PALB2: variants seen among roughly 807,000 people sequenced by gnomAD.
PALB2 encodes mutant partner and localizer of BRCA2.
Under a neutral mutation model 107.4 loss-of-function variants are expected in PALB2, and 82 were observed. That is an observed-to-expected ratio of 0.76 (90% CI 0.64 to 0.92). The LOEUF (loss-of-function observed/expected upper bound fraction) is 0.92, where lower values mean the gene tolerates loss of function less well. PALB2 is among the 40% of genes least tolerant of loss of function. The pLI is 0.00. For missense variants in PALB2, 1,374 were observed against 1,379.9 expected (o/e 1.00, Z 0.07); for synonymous variants, 489 against 496.8 (o/e 0.98, Z 0.21).
At chr16:23,624,360 T>C (rs1966831507) in intron 7 of PALB2, among the ~76,000 whole-genome samples, 1 of 152,228 alleles carries the variant, frequency 6.6e-6, no homozygotes, top group East Asian at 1.9e-4. Flanking sequence ...GGCATGTGAA[T>C]GTAAAGAATA....
chr16:23,637,347 A>G (rs1000570210), intron 3 of PALB2, among the ~76,000 whole-genome samples: 1 of 152,212 alleles, frequency 6.6e-6, no homozygotes, highest in African/African-American at 2.4e-5. Context: ...AGGGAAAAAG[A>G]ATAAACAGTC....
chr16:23,638,090 T>C lies in PALB2; in HGVS notation c.88A>G (p.Lys30Glu), dbSNP rs1967110881. ...CTTACCTGAAGGCGGGCTAGTGTCT[T>C]GCTGTATTCCCTTTTCAAGAATGCT... ...KLAFLKREYS[K>E]TLARLQRAQR... Residue 30 changes from lysine to glutamate, a missense_variant, in exon 2 of 13, where the codon AAG becomes GAG. Coordinates refer to ENST00000261584, the MANE Select transcript of PALB2 (RefSeq NM_024675.4). 1 of 1,614,092 alleles carries C rather than the reference T, an allele frequency of 6.2e-7. No homozygotes were observed. The highest frequency in any genetic ancestry group is 1.1e-5 in the South Asian group (1 of 91,082).
chr16:23,626,650 C>T (rs1189948134), intron 6 of PALB2, among the ~76,000 whole-genome samples: 1 of 151,926 alleles, frequency 6.6e-6, no homozygotes, highest in African/African-American at 2.4e-5. Context: ...GGGACTGAGT[C>T]TCACTTTATC....
At chr16:23,619,719 C>T (rs1966740670) in intron 10 of PALB2, among the ~76,000 whole-genome samples, 1 of 152,072 alleles carries the variant, frequency 6.6e-6, no homozygotes. Flanking sequence ...TTACTGAATA[C>T]CTCCTATGTG....
In PALB2 at chr16:23,641,265, G is replaced by T. The variant is rs180177140; in HGVS notation, c.-108C>A. On this transcript the variant is annotated 5_prime_UTR_variant, in exon 1 of 13. Transcript: ENST00000261584. ...GAGGCGCCCCAGGAAGGAATGGGGA[G>T]CCCGGGATCGCACCCTCAGTGCGCG... is the stretch of plus-strand genomic sequence containing the variant. The T allele has an allele frequency of 7.1e-7, 1 of 1,402,340 alleles. No individual in the cohort carries two copies. Among genetic ancestry groups the T allele is most frequent in the East Asian group, 2.5e-5 (1 of 40,648 alleles). 86.9% of individuals were successfully genotyped at this position (1,402,340 alleles called of 1,614,324 possible).
chr16:23,637,381 T>C (rs1207909280), intron 3 of PALB2, among the ~76,000 whole-genome samples: 2 of 152,026 alleles, frequency 1.3e-5, no homozygotes, highest in African/African-American at 4.8e-5. Flanking sequence ...AGACTATAGA[T>C]TTTACGGCAT....
intron 6 of PALB2, among the ~76,000 whole-genome samples, chr16:23,626,922 A>G (rs923266339): frequency 4.5e-4 from 69 of 151,912 alleles, no homozygotes; most frequent in African/African-American, 1.6e-3. Flanking sequence ...TGCCCGGCCC[A>G]TGAAAGATTT....
At chr16:23,627,519 C>T (rs1312141188) in intron 6 of PALB2, among the ~76,000 whole-genome samples, 1 of 148,392 alleles carries the variant, frequency 6.7e-6, no homozygotes, top group Non-Finnish European at 1.5e-5. Context: ...AAAGAAAAAT[C>T]ATAATCACAA....
rs571762192 is a variant in PALB2, at chr16:23,635,886, A to G, written c.660T>C (p.Ser220=). 13 of 1,614,186 alleles carry G rather than the reference A, an allele frequency of 8.1e-6. No homozygotes were observed. In the Admixed American group the frequency reaches 2.0e-4, roughly 25 times the overall value. The change falls in exon 4 of 13, where the codon AGT becomes AGC. Residue 220 remains serine (S), a synonymous_variant. Coordinates refer to ENST00000261584, the MANE Select transcript of PALB2 (RefSeq NM_024675.4). ...PEPVTEINED[S]VLIPPTAQPE... is the part of the protein sequence containing the mutation. ...GTTGGGCAGTTGGTGGAATTAATAC[A>G]CTGTCTTCATTAATTTCTGTAACTG...
At chr16:23,623,933 TTATTA>T in intron 8 of PALB2, 71 bp downstream of exon 8, 1 of 949,552 alleles carries the variant, frequency 1.1e-6, no homozygotes, top group Non-Finnish European at 1.7e-6. Flanking sequence ...CAAGCCTAGG[TTATTA>T]CCTGCACTTA....
Position 23,629,295 on chromosome 16 carries a change from A to G in PALB2, c.2515-20T>C, listed in dbSNP as rs1567216962. On this transcript the variant is annotated intron_variant, in intron 5 of 12. Transcript: ENST00000261584. ...TTCAGTCTGTGAAAACAAAAGTCACATCATTAGTCTACACTTTATGTATAA... is the reference window on the plus strand; with the variant it reads ...TTCAGTCTGTGAAAACAAAAGTCACGTCATTAGTCTACACTTTATGTATAA... 1 of 1,602,446 alleles carries G rather than the reference A, an allele frequency of 6.2e-7. No homozygotes were observed. The highest frequency in any genetic ancestry group is 1.1e-5 in the South Asian group (1 of 90,866).
At chr16:23,604,182 G>A (rs1021393176) in intron 12 of PALB2, among the ~76,000 whole-genome samples, 4 of 152,158 alleles carry the variant, frequency 2.6e-5, no homozygotes, top group Admixed American at 2.0e-4. Context: ...AGATTACCCT[G>A]TTTCCATATT....
At chr16:23,633,781 G>A (rs1479672914) in intron 4 of PALB2, among the ~76,000 whole-genome samples, 3 of 151,912 alleles carry the variant, frequency 2.0e-5, no homozygotes, top group Non-Finnish European at 4.4e-5. Flanking sequence ...ACAGCTCACC[G>A]CAGCCTCAAC....
chr16:23,633,689 A>T (rs8062954), intron 4 of PALB2, among the ~76,000 whole-genome samples: 4,437 of 152,112 alleles, frequency 0.029, 195 homozygotes, highest in African/African-American at 0.099. Flanking sequence ...TCTAAAAGAG[A>T]TAGTCAGTGG....
chr16:23,637,919 T>C lies in PALB2; in HGVS notation c.142A>G (p.Ile48Val), dbSNP rs786203134. 8 of 1,614,098 alleles carry C rather than the reference T, an allele frequency of 5.0e-6. No homozygotes were observed. Among genetic ancestry groups the C allele is most frequent in the South Asian group, 1.1e-5 (1 of 91,080 alleles). ...AQRAEKIKHS[I>V]KKTVEEQDCL... ...TCTTGTTCTTCTACTGTTTTCTTAA[T>C]AGAATGCTTAATCTTTTCAGCTCTT... Residue 48 changes from isoleucine to valine, a missense_variant, in exon 3 of 13, where the codon ATT becomes GTT. Ile to Val is a conservative substitution (Grantham distance 29). Transcript: ENST00000261584.
At chr16:23,630,546 G>C in intron 4 of PALB2, 77 bp from the exon 5 acceptor site, 1 of 1,128,570 alleles carries the variant, frequency 8.9e-7, no homozygotes, top group Admixed American at 2.2e-5. Context: ...ATGACAAAGA[G>C]AATAGGATCT....
In PALB2 at chr16:23,603,512, G is replaced by A. The variant is rs200283306; in HGVS notation, c.3508C>T (p.His1170Tyr). ...SFVKWSGTDSHLLAGQKDGNI... is the reference protein window; with the variant it reads ...SFVKWSGTDSYLLAGQKDGNI... The stretch of plus-strand genomic sequence containing the variant: ...CCATCTTTTTGTCCAGCCAGCAAAT[G>A]AGAGTCTGTACCCGACCATTTCACA... The change falls in exon 13 of 13, where the codon CAT becomes TAT. Residue 1170 changes from histidine to tyrosine, a missense_variant. Transcript: ENST00000261584. 5.5e-5 allele frequency: 89 copies of A among 1,613,954 alleles called. No individual in the cohort carries two copies. Among genetic ancestry groups the A allele is most frequent in the Non-Finnish European group, 6.9e-5 (82 of 1,180,010 alleles).
intron 6 of PALB2, 112 bp from the exon 7 acceptor site, chr16:23,626,509 T>C: frequency 7.5e-7 from 1 of 1,340,184 alleles, no homozygotes; most frequent in Non-Finnish European, 1.1e-6. Flanking sequence ...GTATGTAAAA[T>C]TTAAGTCTTA....
chr16:23,621,216 C>T, intron 10 of PALB2, 146 bp downstream of exon 10: 2 of 687,220 alleles, frequency 2.9e-6, no homozygotes, highest in Non-Finnish European at 5.2e-6. Flanking sequence ...TCTCAAAACA[C>T]AACAAAAACA....
Sources: gnomAD v4.1 joint callset for allele counts (sites outside exome capture counted in the v4.1 genomes callset) on GRCh38, gnomAD v4.1.1 for gene constraint, MANE v1.5 for transcripts, NCBI Gene and HGNC (gene_info 2026-07-23, HGNC 2026-07-21) for gene names.